Variants in SHISAL2A observed in about 807,000 individuals in gnomAD.
SHISAL2A encodes the protein shisa like 2A, also known as protein shisa-like-2A.
SHISAL2A carries 18 observed loss-of-function variants against 11.5 expected under a neutral mutation model. That is an observed-to-expected ratio of 1.57 (90% CI 1.08 to 2.33). SHISAL2A has a LOEUF of 2.33. Ranked by LOEUF, SHISAL2A falls within the 30% of genes most tolerant of loss-of-function variation. The pLI, the probability that SHISAL2A is intolerant of heterozygous loss-of-function variation, is 0.00. For missense variants in SHISAL2A, 261 were observed against 250.9 expected, an observed-to-expected ratio of 1.04 and a Z score of -0.27; for synonymous variants, 94 against 99.6, an observed-to-expected ratio of 0.94 and a Z score of 0.34.
chr1:52,660,908 C>G (rs775737907), downstream of SHISAL2A, among the ~76,000 whole-genome samples: 1 of 152,178 alleles, frequency 6.6e-6, no homozygotes, highest in East Asian at 1.9e-4. Context: ...TAGCCAAAGA[C>G]TTTGGGAAGG....
At chr1:52,665,743 C>G (rs75937151) in intron 4 of SHISAL2A, among the ~76,000 whole-genome samples, 29 of 152,148 alleles carry the variant, frequency 1.9e-4, no homozygotes, top group East Asian at 3.9e-4. Flanking sequence ...CCATCCCCCC[C>G]CACTTCCCTG....
chr1:52,662,127 A>G (rs1260731140), intron 4 of SHISAL2A, among the ~76,000 whole-genome samples: 1 of 152,146 alleles, frequency 6.6e-6, no homozygotes, highest in Non-Finnish European at 1.5e-5. Context: ...ACCCCTAGAG[A>G]ACAGTCAGAG....
At chr1:52,640,695 A>G (rs1445519853) in intron 1 of SHISAL2A, among the ~76,000 whole-genome samples, 1 of 151,798 alleles carries the variant, frequency 6.6e-6, no homozygotes, top group Non-Finnish European at 1.5e-5. Context: ...TTGTAGATAG[A>G]GATGCTAGGA....
chr1:52,633,413 C>A lies in SHISAL2A; in HGVS notation c.-81C>A. 1 of 1,258,054 alleles carries A rather than the reference C, an allele frequency of 7.9e-7. No individual in the cohort carries two copies. The highest frequency in any genetic ancestry group is 1.0e-6 in the Non-Finnish European group (1 of 957,202). 77.9% of individuals were successfully genotyped at this position (1,258,054 alleles called of 1,614,324 possible). ...GCCGTTCTCAGGCTCAGCTCCGTCT[C>A]GCTCGGTCCCTCGCTTCCCCGCCGG... On this transcript the variant is annotated 5_prime_UTR_variant, in exon 1 of 3. Coordinates refer to ENST00000517870, the MANE Select transcript of SHISAL2A (RefSeq NM_001042693.3). The surrounding 1 kb of genome is among the most constrained non-coding windows in gnomAD (Gnocchi z 6.4).
intron 1 of SHISAL2A, among the ~76,000 whole-genome samples, chr1:52,638,311 C>T (rs1691282798): frequency 1.0e-5 from 1 of 95,404 alleles, no homozygotes. Context: ...AGGCCCCTTT[C>T]TATCCAGGAA....
At chr1:52,659,770 G>A (rs948720503), downstream of SHISAL2A, among the ~76,000 whole-genome samples, 2 of 152,218 alleles carry the variant, frequency 1.3e-5, no homozygotes, top group African/African-American at 2.4e-5. Context: ...TTCACAGGAC[G>A]AATTCCTTCT....
chr1:52,645,364 C>G (rs541927844), intron 2 of SHISAL2A, among the ~76,000 whole-genome samples: 1 of 120,482 alleles, frequency 8.3e-6, no homozygotes, highest in East Asian at 3.0e-4. Context: ...TAGAACCAGC[C>G]TGGTGGAGAC....
intron 2 of SHISAL2A, among the ~76,000 whole-genome samples, chr1:52,651,361 C>CA (rs1691642569): frequency 6.6e-6 from 1 of 151,982 alleles, no homozygotes; most frequent in African/African-American, 2.4e-5. Context: ...CTCAGCCTCC[C>CA]AAGTAGCTGG....
intron 2 of SHISAL2A, among the ~76,000 whole-genome samples, chr1:52,649,141 A>AG (rs1454446762): frequency 1.3e-5 from 2 of 152,124 alleles, no homozygotes; most frequent in African/African-American, 4.8e-5. Context: ...CTGCACCCAA[A>AG]GCATCAACCC....
intron 1 of SHISAL2A, among the ~76,000 whole-genome samples, chr1:52,640,535 CG>C (rs1691340070): frequency 6.6e-6 from 1 of 151,006 alleles, no homozygotes. Context: ...AGGTCAAGGG[CG>C]GGGGAATCAC....
chr1:52,646,893 G>A (rs927689049), intron 2 of SHISAL2A, among the ~76,000 whole-genome samples: 2 of 151,944 alleles, frequency 1.3e-5, no homozygotes, highest in Non-Finnish European at 2.9e-5. Context: ...GCGGTGGTGC[G>A]ATCTCAGCTC....
chr1:52,637,654 A>G (rs1210718853), intron 1 of SHISAL2A, among the ~76,000 whole-genome samples: 3 of 152,236 alleles, frequency 2.0e-5, no homozygotes, highest in African/African-American at 7.2e-5. Context: ...GACCGTGTCT[A>G]CAGCACCTCA....
At chr1:52,648,593 A>G (rs1691556540) in intron 2 of SHISAL2A, among the ~76,000 whole-genome samples, 1 of 152,116 alleles carries the variant, frequency 6.6e-6, no homozygotes, top group Non-Finnish European at 1.5e-5. Flanking sequence ...CACACACACC[A>G]TCTCCTCTAA....
chr1:52,661,558 G>A (rs767499207), downstream of SHISAL2A, among the ~76,000 whole-genome samples: 8 of 152,174 alleles, frequency 5.3e-5, no homozygotes, highest in Non-Finnish European at 1.0e-4. Flanking sequence ...TGCCTTGCTC[G>A]GTCCCAGAAC....
intron 4 of SHISAL2A, among the ~76,000 whole-genome samples, chr1:52,664,684 G>A (rs899879717): frequency 6.6e-6 from 1 of 152,170 alleles, no homozygotes; most frequent in Admixed American, 6.5e-5. Flanking sequence ...TTTTAGGAGA[G>A]ACGGGGTTTC....
chr1:52,641,044 G>A (rs577903140), intron 1 of SHISAL2A, among the ~76,000 whole-genome samples: 54 of 152,186 alleles, frequency 3.5e-4, no homozygotes, highest in Non-Finnish European at 6.3e-4. Context: ...TGCTGAACAC[G>A]TGGAGGTCCC....
At chr1:52,642,725 A>G in intron 1 of SHISAL2A, 138 bp from the exon 2 acceptor site, 1 of 948,130 alleles carries the variant, frequency 1.1e-6, no homozygotes, top group South Asian at 1.7e-5. Flanking sequence ...TGCCTGGCCT[A>G]AAATTTTTTT....
intron 2 of SHISAL2A, among the ~76,000 whole-genome samples, chr1:52,645,017 C>CAA (rs752980005): frequency 8.6e-5 from 6 of 69,404 alleles, no homozygotes; most frequent in African/African-American, 2.3e-4. Flanking sequence ...ACTCTGTCTC[C>CAA]AAAAAAAAAA....
chr1:52,633,487 G>C lies in SHISAL2A; in HGVS notation c.-7G>C. ...CCGAGGTGGCGGCGGGCTGGGCGCGGGGCGCGATGAGCGGCGCCTGCACGA... is the reference window on the plus strand; with the variant it reads ...CCGAGGTGGCGGCGGGCTGGGCGCGCGGCGCGATGAGCGGCGCCTGCACGA... On this transcript the variant is annotated 5_prime_UTR_variant, in exon 1 of 3. Transcript: ENST00000517870. This position sits in a 1 kb window ranked among gnomAD's most constrained non-coding sequence, Gnocchi z 6.4. The C allele has an allele frequency of 1.3e-6, 2 of 1,491,900 alleles. No individual in the cohort carries two copies. The highest frequency in any genetic ancestry group is 1.8e-6 in the Non-Finnish European group (2 of 1,127,464). The allele number at this position is 1,491,900 out of a possible 1,614,324, so 92.4% of individuals were successfully genotyped here.
Sources: gnomAD v4.1 joint callset for allele counts (sites outside exome capture counted in the v4.1 genomes callset) on GRCh38, gnomAD v4.1.1 for gene constraint, Gnocchi (gnomAD v3.1) non-coding constraint, MANE v1.5 for transcripts, NCBI Gene and HGNC (gene_info 2026-07-23, HGNC 2026-07-21) for gene names.